Variants in BMP5 observed in about 807,000 individuals in gnomAD.
The protein encoded by BMP5 is bone morphogenetic protein 5.
A neutral mutation model predicts 46.6 loss-of-function variants in BMP5; 23 were observed. That is an observed-to-expected ratio of 0.49 (90% CI 0.35 to 0.70). BMP5 has a LOEUF of 0.70. Ranked by LOEUF, BMP5 falls within the 30% of genes least tolerant of loss-of-function variation. The pLI is 0.00. For missense variants in BMP5, 545 were observed against 565.6 expected (o/e 0.96, Z 0.37); for synonymous variants, 204 against 191.9 (o/e 1.06, Z -0.52).
chr6:55,807,645 C>T (rs1350469903), intron 2 of BMP5, among the ~76,000 whole-genome samples: 1 of 152,222 alleles, frequency 6.6e-6, no homozygotes, highest in East Asian at 1.9e-4. Context: ...GTACCAGCTC[C>T]TCTTTGTACT....
At chr6:55,828,750 G>T (rs1776589982) in intron 1 of BMP5, among the ~76,000 whole-genome samples, 1 of 151,646 alleles carries the variant, frequency 6.6e-6, no homozygotes, top group African/African-American at 2.4e-5. Flanking sequence ...TTTCTCTATG[G>T]GGGAAATGGA....
intron 2 of BMP5, 100 bp from the exon 3 acceptor site, chr6:55,794,527 A>G: frequency 8.6e-7 from 1 of 1,168,634 alleles, no homozygotes; most frequent in South Asian, 1.3e-5. Context: ...TTGTAAAATA[A>G]CAGCAGTTAG....
Position 55,755,229 on chromosome 6 carries a change from A to G in BMP5, c.*304T>C. ...ATCTCAGAAAATTATGTAAAATTGTATTAGAAAAAAATGTTGAAATGGAAT... is the reference window on the plus strand; with the variant it reads ...ATCTCAGAAAATTATGTAAAATTGTGTTAGAAAAAAATGTTGAAATGGAAT... On this transcript the variant is annotated 3_prime_UTR_variant, in exon 7 of 7. Transcript: ENST00000370830. The G allele has an allele frequency of 5.1e-6, 1 of 197,280 alleles. No homozygotes were observed. The highest frequency in any genetic ancestry group is 1.0e-5 in the Non-Finnish European group (1 of 97,464). 12.2% of individuals were successfully genotyped at this position (197,280 alleles called of 1,614,324 possible).
chr6:55,774,213 A>G lies in BMP5; in HGVS notation c.863T>C (p.Leu288Pro). 1 of 1,613,088 alleles carries G rather than the reference A, an allele frequency of 6.2e-7. No homozygotes were observed. Among genetic ancestry groups the G allele is most frequent in the Non-Finnish European group, 8.5e-7 (1 of 1,179,346 alleles). Residue 288 changes from leucine (L) to proline (P), a missense_variant, in exon 4 of 7, where the codon CTT (leucine) becomes CCT (proline). Leu to Pro is a moderately conservative substitution (Grantham distance 98). Coordinates refer to ENST00000370830, the MANE Select transcript of BMP5 (RefSeq NM_021073.4). ...GRSINVKSAGLVGRQGPQSKQ... is the reference protein window; with the variant it reads ...GRSINVKSAGPVGRQGPQSKQ... ...TGACTGAGGTCCCTGTCTTCCCACA[A>G]GACCAGCAGATTTTACGTTGATACT...
intron 3 of BMP5, among the ~76,000 whole-genome samples, chr6:55,790,867 T>C (rs1171561394): frequency 1.3e-5 from 2 of 152,194 alleles, no homozygotes; most frequent in Non-Finnish European, 2.9e-5. Flanking sequence ...ATGGTGTCTT[T>C]GTTGTATCAC....
intron 2 of BMP5, among the ~76,000 whole-genome samples, chr6:55,811,854 A>G (rs1776144210): frequency 1.3e-5 from 2 of 152,082 alleles, no homozygotes; most frequent in South Asian, 2.1e-4. Flanking sequence ...CTTTCTCTTC[A>G]TTTCTATTTC....
intron 6 of BMP5, among the ~76,000 whole-genome samples, chr6:55,757,190 G>A (rs888738863): frequency 2.6e-5 from 4 of 151,800 alleles, no homozygotes; most frequent in Non-Finnish European, 5.9e-5. Context: ...AGAGAAGGGG[G>A]AGTATTTGAC....
intron 1 of BMP5, among the ~76,000 whole-genome samples, chr6:55,856,842 A>T (rs1777411894): frequency 6.6e-6 from 1 of 152,140 alleles, no homozygotes; most frequent in African/African-American, 2.4e-5. Context: ...TTATTTAAGT[A>T]CAAAATTATT....
Position 55,874,911 on chromosome 6 carries a change from CT to C in BMP5, c.-47del. On this transcript the variant is annotated 5_prime_UTR_variant, in exon 1 of 7. Transcript: ENST00000370830. Reference sequence around the variant, plus strand: ...TGATATTTTTAGTCCTTCTTGTCCTCTTAAAAAAAAAAAAAACCTAAGGTTC... The same window carrying C: ...TGATATTTTTAGTCCTTCTTGTCCTCTAAAAAAAAAAAAAACCTAAGGTTC... 1 of 1,534,838 alleles carries C rather than the reference CT, an allele frequency of 6.5e-7. No homozygotes were observed. Among genetic ancestry groups the C allele is most frequent in the Non-Finnish European group, 8.8e-7 (1 of 1,136,070 alleles).
rs540507258 is a variant in BMP5, at chr6:55,867,747, T to C, written c.490+6629A>G. Among the ~76,000 whole-genome samples, 337 of 152,282 alleles carry C rather than the reference T, an allele frequency of 2.2e-3. 2 individuals carry two copies. Among genetic ancestry groups the C allele is most frequent in the African/African-American group, 7.4e-3 (308 of 41,572 alleles). On this transcript the variant is annotated intron_variant, in intron 1 of 6. Transcript: ENST00000370830. ...TTTGCATCAGGGTCCACAGATTATG[T>C]AGCTGCTCATGCAGATTATCTCAAC...
chr6:55,845,182 T>C (rs1479634640), intron 1 of BMP5, among the ~76,000 whole-genome samples: 2 of 152,092 alleles, frequency 1.3e-5, no homozygotes, highest in African/African-American at 2.4e-5. Context: ...TCATACTTAC[T>C]TCAATGGACA....
chr6:55,867,221 A>G (rs936726912), intron 1 of BMP5, among the ~76,000 whole-genome samples: 2 of 152,090 alleles, frequency 1.3e-5, no homozygotes, highest in Admixed American at 1.3e-4. Context: ...CCCCCCGCTG[A>G]GTATCTAAGG....
chr6:55,800,960 C>A (rs545445625), intron 2 of BMP5, among the ~76,000 whole-genome samples: 57 of 152,152 alleles, frequency 3.7e-4, no homozygotes, highest in Non-Finnish European at 7.9e-4. Context: ...TGGACTGGAC[C>A]ACTGAAAGGT....
intron 1 of BMP5, among the ~76,000 whole-genome samples, chr6:55,859,924 A>G (rs889623596): frequency 6.6e-5 from 10 of 152,240 alleles, no homozygotes; most frequent in Admixed American, 5.9e-4. Context: ...AACCTATTGA[A>G]TTAGTTTCTT....
Position 55,772,977 on chromosome 6 carries a change from T to C in BMP5, c.1027+1072A>G, listed in dbSNP as rs1309624905. On this transcript the variant is annotated intron_variant, in intron 4 of 6. Transcript: ENST00000370830. Reference sequence around the variant, plus strand: ...TTCTTATCTAAACACTCATGCATGTTTGAGTAATAAATAGCTGCTGTATGA... The same window carrying C: ...TTCTTATCTAAACACTCATGCATGTCTGAGTAATAAATAGCTGCTGTATGA... 3.2e-6 allele frequency: 3 copies of C among 946,934 alleles called. No individual in the cohort carries two copies. The East Asian group carries it at 3.5e-4, about 111-fold the overall frequency. 58.7% of individuals were successfully genotyped at this position (946,934 alleles called of 1,614,324 possible). A position where few individuals can be genotyped will look rare whatever the true frequency, so the allele number is the denominator to read the frequency against.
chr6:55,762,338 G>A (rs1216255394), intron 4 of BMP5, among the ~76,000 whole-genome samples: 2 of 152,096 alleles, frequency 1.3e-5, no homozygotes, highest in Non-Finnish European at 2.9e-5. Context: ...AGGCAAGTTA[G>A]AGATCAAAGG....
At chr6:55,834,668 A>AT (rs1300523746) in intron 1 of BMP5, among the ~76,000 whole-genome samples, 1 of 152,218 alleles carries the variant, frequency 6.6e-6, no homozygotes, top group African/African-American at 2.4e-5. Flanking sequence ...CCCCCAAAAA[A>AT]GTAAAACTCA....
intron 2 of BMP5, among the ~76,000 whole-genome samples, chr6:55,798,880 T>C (rs1775778587): frequency 6.6e-6 from 1 of 152,124 alleles, no homozygotes; most frequent in Admixed American, 6.5e-5. Context: ...ATACATACCT[T>C]GAGAATCTTA....
intron 3 of BMP5, among the ~76,000 whole-genome samples, chr6:55,791,990 A>T (rs1459094936): frequency 6.6e-6 from 1 of 152,200 alleles, no homozygotes; most frequent in East Asian, 1.9e-4. Context: ...CATTGTAAGA[A>T]TTCTTGGAAG....
Sources: allele counts gnomAD v4.1 joint callset (sites outside exome capture counted in the v4.1 genomes callset), GRCh38; gene constraint gnomAD v4.1.1; transcripts MANE v1.5; gene names NCBI Gene and HGNC (gene_info 2026-07-23, HGNC 2026-07-21).